Variants in SLMAP observed in about 807,000 individuals in gnomAD.
The protein encoded by SLMAP is sarcolemmal membrane-associated protein.
In SLMAP, 44 loss-of-function variants were observed where a neutral mutation model predicts 128.8. That is an observed-to-expected ratio of 0.34 (90% CI 0.27 to 0.44). The LOEUF (loss-of-function observed/expected upper bound fraction) is 0.44. Among genes scored for constraint, SLMAP ranks in the 20% least tolerant of loss-of-function variants. The pLI is 1.00. For missense variants in SLMAP, 787 were observed against 985.3 expected (o/e 0.80, Z 2.69); for synonymous variants, 327 against 348.8 (o/e 0.94, Z 0.70).
At chr3:57,772,278 G>A (rs1177784519) in intron 2 of SLMAP, among the ~76,000 whole-genome samples, 1 of 152,226 alleles carries the variant, frequency 6.6e-6, no homozygotes, top group Non-Finnish European at 1.5e-5. Context: ...ACAGTCAGGA[G>A]GCAGTTGAGT....
rs55766107 is a variant in SLMAP at position 57,923,007 on chromosome 3, G to C, written c.2429G>C (p.Arg810Pro). The change falls in exon 23 of 25, where the codon CGA (arginine) becomes CCA (proline). Residue 810 changes from arginine (R) to proline (P), a missense_variant. Around this residue, in one of 2 missense-constraint regions of SLMAP, gnomAD observed 715 missense variants for 843.6 expected, o/e 0.85. Transcript: ENST00000671191. ...TGTAAAAACAACCTGAAGCTGCTCCGAGAGAAAGGAAATAATGTAAGTCTT... is the reference window on the plus strand; with the variant it reads ...TGTAAAAACAACCTGAAGCTGCTCCCAGAGAAAGGAAATAATGTAAGTCTT... ...KQCKNNLKLL[R>P]EKGNNPSILQ... The C allele has an allele frequency of 6.2e-7, 1 of 1,613,682 alleles. No homozygotes were observed. Among genetic ancestry groups the C allele is most frequent in the Non-Finnish European group, 8.5e-7 (1 of 1,179,880 alleles).
chr3:57,800,548 TTTC>T (rs984937185), intron 2 of SLMAP: 2 of 152,808 alleles, frequency 1.3e-5, no homozygotes, highest in Admixed American at 6.5e-5. Context: ...GCTTCTTGAA[TTTC>T]TTCTTGTGTA....
At chr3:57,848,432 TTTC>T (rs1240562104) in intron 5 of SLMAP, among the ~76,000 whole-genome samples, 1 of 151,446 alleles carries the variant, frequency 6.6e-6, no homozygotes, top group African/African-American at 2.4e-5. Flanking sequence ...TTCCTTCTTT[TTTC>T]TTCTTCGTCC....
At position 57,857,734 on chromosome 3, in the gene SLMAP, A is replaced by C; in HGVS notation, c.521A>C (p.Glu174Ala). The change falls in exon 7 of 25, where the codon GAG (glutamate) becomes GCG (alanine). Residue 174 changes from glutamate to alanine, a missense_variant and splice_region_variant. By Grantham distance (107) the Glu-to-Ala change is moderately radical. This residue lies in a region of SLMAP where 715 missense variants were observed against 843.6 expected (regional missense o/e 0.85). Coordinates refer to ENST00000671191, the MANE Select transcript of SLMAP (RefSeq NM_001377540.1). ...ELFQLSQYLQ[E>A]ALHREQMLEQ... The stretch of plus-strand genomic sequence containing the variant: ...CTGTTTTGTGATTTGTAATACTAGG[A>C]GGCCTTACATCGGGAACAAATGTTG... The C allele has an allele frequency of 6.2e-7, 1 of 1,601,714 alleles. No homozygotes were observed. Among genetic ancestry groups the C allele is most frequent in the Non-Finnish European group, 8.6e-7 (1 of 1,168,710 alleles).
At chr3:57,893,924 T>C (rs1449110574) in intron 15 of SLMAP, among the ~76,000 whole-genome samples, 1 of 152,160 alleles carries the variant, frequency 6.6e-6, no homozygotes, top group Admixed American at 6.5e-5. Flanking sequence ...TGACTACAAA[T>C]GGCAGTGAGA....
chr3:57,880,604 A>G (rs1431285153), intron 14 of SLMAP, among the ~76,000 whole-genome samples: 1 of 151,808 alleles, frequency 6.6e-6, no homozygotes, highest in East Asian at 1.9e-4. Flanking sequence ...AAGGCCATGT[A>G]CAGTGGCTTA....
chr3:57,806,019 GT>G (rs112175858), intron 2 of SLMAP, among the ~76,000 whole-genome samples: 38 of 146,316 alleles, frequency 2.6e-4, no homozygotes, highest in African/African-American at 6.3e-4. Flanking sequence ...GTAAAACAGG[GT>G]TTTTTTTTTG....
chr3:57,763,069 A>C (rs73073954), intron 2 of SLMAP, among the ~76,000 whole-genome samples: 1 of 151,794 alleles, frequency 6.6e-6, no homozygotes, highest in South Asian at 2.1e-4. Flanking sequence ...ACCACTGAGC[A>C]AGCAGATCTA....
chr3:57,843,611 T>C (rs2094072480), intron 4 of SLMAP, among the ~76,000 whole-genome samples: 1 of 151,520 alleles, frequency 6.6e-6, no homozygotes. Context: ...TGGCCAATAA[T>C]TTTTAAATGA....
intron 3 of SLMAP, among the ~76,000 whole-genome samples, chr3:57,833,862 A>T (rs1014135418): frequency 6.6e-6 from 1 of 152,072 alleles, no homozygotes; most frequent in Non-Finnish European, 1.5e-5. Context: ...AAGTTGACTT[A>T]TGTTAAGCAC....
At chr3:57,862,823 A>C (rs1002991803) in intron 10 of SLMAP, among the ~76,000 whole-genome samples, 9 of 152,180 alleles carry the variant, frequency 5.9e-5, no homozygotes, top group African/African-American at 2.2e-4. Context: ...CTGAATAGTT[A>C]TTGATGTAAA....
intron 17 of SLMAP, among the ~76,000 whole-genome samples, chr3:57,902,834 C>T (rs935278796): frequency 1.3e-5 from 2 of 152,116 alleles, no homozygotes; most frequent in African/African-American, 4.8e-5. Flanking sequence ...TTGCCTGGAA[C>T]CATTTATGGC....
At chr3:57,837,099 A>G (rs986372993) in intron 3 of SLMAP, among the ~76,000 whole-genome samples, 1 of 151,536 alleles carries the variant, frequency 6.6e-6, no homozygotes, top group Non-Finnish European at 1.5e-5. Context: ...TACTCCCCCT[A>G]ATAGACATGG....
At chr3:57,769,532 C>T (rs1341480796) in intron 2 of SLMAP, among the ~76,000 whole-genome samples, 1 of 152,020 alleles carries the variant, frequency 6.6e-6, no homozygotes, top group African/African-American at 2.4e-5. Flanking sequence ...ACTATGTTGC[C>T]CGGCTGGTCT....
chr3:57,897,144 G>T (rs907135866), intron 17 of SLMAP: 2 of 1,308,910 alleles, frequency 1.5e-6, no homozygotes, highest in East Asian at 2.8e-5. Context: ...TCAAGATTAC[G>T]AGGGACAAAG....
chr3:57,869,805 T>C (rs1035880482), intron 13 of SLMAP, among the ~76,000 whole-genome samples: 1 of 151,284 alleles, frequency 6.6e-6, no homozygotes. Context: ...GAAATCATTG[T>C]ACATTTGTTT....
intron 2 of SLMAP, among the ~76,000 whole-genome samples, chr3:57,785,591 C>T (rs2083921790): frequency 6.6e-6 from 1 of 152,122 alleles, no homozygotes; most frequent in Admixed American, 6.5e-5. Context: ...CCTATAGAAA[C>T]TAAATAGCAA....
intron 8 of SLMAP, among the ~76,000 whole-genome samples, chr3:57,860,069 A>G (rs950048200): frequency 1.3e-5 from 2 of 152,142 alleles, no homozygotes; most frequent in Non-Finnish European, 2.9e-5. Flanking sequence ...TGTTTTAGAG[A>G]CAGGGTCTTG....
intron 2 of SLMAP, among the ~76,000 whole-genome samples, chr3:57,787,424 A>G (rs988188504): frequency 1.3e-5 from 2 of 152,206 alleles, no homozygotes; most frequent in South Asian, 2.1e-4. Context: ...GGGGTCAAAC[A>G]TTAGCATATT....
Sources: gnomAD v4.1 joint callset for allele counts (sites outside exome capture counted in the v4.1 genomes callset) on GRCh38, gnomAD v4.1.1 for gene constraint, gnomAD v4.1.1 regional missense constraint, MANE v1.5 for transcripts, NCBI Gene and HGNC (gene_info 2026-07-23, HGNC 2026-07-21) for gene names.